CSMD1: variants seen among roughly 807,000 people sequenced by gnomAD.
CSMD1 encodes CUB and Sushi multiple domains 1, also known as CUB and sushi domain-containing protein 1.
CSMD1 carries 213 observed loss-of-function variants against 417.5 expected under a neutral mutation model. That is an observed-to-expected ratio of 0.51 (90% CI 0.46 to 0.57). CSMD1 has a LOEUF of 0.57. Ranked by LOEUF, CSMD1 falls within the 20% of genes least tolerant of loss-of-function variation. CSMD1 has a pLI of 0.00. For synonymous variants in CSMD1, 2,862 were observed against 1,736.8 expected, an observed-to-expected ratio of 1.65 and a Z score of -16.11; for missense variants, 6,923 against 4,529.7, an observed-to-expected ratio of 1.53 and a Z score of -15.17.
intron 3 of CSMD1, among the ~76,000 whole-genome samples, chr8:4,088,499 C>T (rs1243543008): frequency 6.6e-6 from 1 of 152,186 alleles, no homozygotes; most frequent in Non-Finnish European, 1.5e-5. Flanking sequence ...CCATCTTCTT[C>T]TTTGTTTTCA....
chr8:4,958,708 A>G (rs1809283038), intron 1 of CSMD1, among the ~76,000 whole-genome samples: 1 of 152,210 alleles, frequency 6.6e-6, no homozygotes, highest in Non-Finnish European at 1.5e-5. Context: ...AATTAGATTT[A>G]GTGACTCAAT....
chr8:4,470,380 C>CT (rs1800456746), intron 2 of CSMD1, among the ~76,000 whole-genome samples: 1 of 152,194 alleles, frequency 6.6e-6, no homozygotes, highest in Non-Finnish European at 1.5e-5. Flanking sequence ...TCTCTTCCCT[C>CT]TTATTTTTAT....
At chr8:4,143,956 G>C (rs1030280174) in intron 3 of CSMD1, among the ~76,000 whole-genome samples, 1 of 151,286 alleles carries the variant, frequency 6.6e-6, no homozygotes, top group Non-Finnish European at 1.5e-5. Flanking sequence ...GCCAGTGCTT[G>C]GCCCATAGCC....
At chr8:3,062,190 A>C (rs1357381999) in intron 49 of CSMD1, among the ~76,000 whole-genome samples, 1 of 152,122 alleles carries the variant, frequency 6.6e-6, no homozygotes, top group African/African-American at 2.4e-5. Context: ...TTTGATTTCC[A>C]AAATATTTTC....
intron 5 of CSMD1, among the ~76,000 whole-genome samples, chr8:3,967,477 G>T (rs1006590945): frequency 6.6e-6 from 1 of 150,742 alleles, no homozygotes; most frequent in African/African-American, 2.4e-5. Context: ...AAAACAGATG[G>T]AAAGTTGTTG....
intron 1 of CSMD1, among the ~76,000 whole-genome samples, chr8:4,718,772 T>G (rs1403032674): frequency 6.6e-6 from 1 of 152,032 alleles, no homozygotes; most frequent in Admixed American, 6.6e-5. Flanking sequence ...ATACTCTTTT[T>G]AAAGCAATAG....
intron 2 of CSMD1, among the ~76,000 whole-genome samples, chr8:4,483,097 G>C (rs533098069): frequency 2.0e-5 from 3 of 152,062 alleles, no homozygotes; most frequent in South Asian, 4.1e-4. Flanking sequence ...TGAATGACAG[G>C]GGCAGTCTCC....
At chr8:4,059,992 A>G (rs1798888066) in intron 3 of CSMD1, among the ~76,000 whole-genome samples, 1 of 152,172 alleles carries the variant, frequency 6.6e-6, no homozygotes, top group Non-Finnish European at 1.5e-5. Flanking sequence ...CACAGCCAAA[A>G]AAGAGAATTT....
intron 5 of CSMD1, among the ~76,000 whole-genome samples, chr8:3,949,618 T>C (rs73509611): frequency 0.023 from 3,504 of 151,956 alleles, 142 homozygotes; most frequent in African/African-American, 0.08. Flanking sequence ...GGTGGTTTGT[T>C]TGGGAGATGA....
At chr8:3,502,293 A>C (rs965667657) in intron 10 of CSMD1, among the ~76,000 whole-genome samples, 9 of 148,362 alleles carry the variant, frequency 6.1e-5, no homozygotes, top group Non-Finnish European at 1.2e-4. Flanking sequence ...CGAACCCAGG[A>C]GGAGGAGCTT....
chr8:3,354,805 C>CTA (rs1808634183), intron 21 of CSMD1, among the ~76,000 whole-genome samples: 1 of 86,056 alleles, frequency 1.2e-5, no homozygotes, highest in Non-Finnish European at 2.4e-5. Flanking sequence ...TAAACTCTCT[C>CTA]TCTCTCTATA....
intron 2 of CSMD1, among the ~76,000 whole-genome samples, chr8:4,553,913 T>C (rs1797980926): frequency 6.6e-6 from 1 of 152,156 alleles, no homozygotes; most frequent in Admixed American, 6.6e-5. Flanking sequence ...ATCTGATGAC[T>C]GGTTCAGCTG....
rs1339537546 is a variant in CSMD1 at position 3,157,958 on chromosome 8, G to T, written c.5853C>A (p.Ser1951=). The change falls in exon 39 of 70, where the codon TCC becomes TCA. Residue 1951 remains serine (S), a synonymous_variant. Transcript: ENST00000635120. ...CGGTCCCTGGCATACAGGAAATGTG[G>T]GAACGGCCCTGTTTAAAAGAAAACA... ...CEPGYTLQGR[S]HISCMPGTVR... 6.4e-7 allele frequency: 1 copy of T among 1,553,696 alleles called. No individual in the cohort carries two copies. Among genetic ancestry groups the T allele is most frequent in the Admixed American group, 1.9e-5 (1 of 51,284 alleles).
At chr8:3,806,696 T>C (rs983802525) in intron 5 of CSMD1, among the ~76,000 whole-genome samples, 3 of 152,122 alleles carry the variant, frequency 2.0e-5, no homozygotes, top group Non-Finnish European at 1.5e-5. Flanking sequence ...TTCAAAACAA[T>C]CTAATGAGAG....
intron 2 of CSMD1, among the ~76,000 whole-genome samples, chr8:4,422,460 G>A (rs536091457): frequency 1.4e-4 from 21 of 152,022 alleles, no homozygotes; most frequent in Admixed American, 3.3e-4. Context: ...GTAAGCATAC[G>A]GTAAAAATAA....
chr8:4,664,251 G>T (rs979733302), intron 1 of CSMD1, among the ~76,000 whole-genome samples: 6 of 152,162 alleles, frequency 3.9e-5, no homozygotes, highest in African/African-American at 7.2e-5. Context: ...TATTATTTCT[G>T]TGTGACTAGT....
At chr8:4,719,914 T>C (rs1021001073) in intron 1 of CSMD1, among the ~76,000 whole-genome samples, 3 of 152,156 alleles carry the variant, frequency 2.0e-5, no homozygotes, top group African/African-American at 7.2e-5. Context: ...TCACTTTTTA[T>C]TGATTTTAAC....
At chr8:4,932,151 T>C (rs1256913949) in intron 1 of CSMD1, among the ~76,000 whole-genome samples, 1 of 152,236 alleles carries the variant, frequency 6.6e-6, no homozygotes, top group South Asian at 2.1e-4. Context: ...TCTAGATAAA[T>C]TGATTACAGC....
intron 41 of CSMD1, among the ~76,000 whole-genome samples, chr8:3,130,439 CT>C (rs1817734969): frequency 6.6e-6 from 1 of 152,140 alleles, no homozygotes; most frequent in South Asian, 2.1e-4. Flanking sequence ...TCTTCCCTCG[CT>C]TCCCCCAACC....
Sources: allele counts gnomAD v4.1 joint callset (sites outside exome capture counted in the v4.1 genomes callset), GRCh38; gene constraint gnomAD v4.1.1; transcripts MANE v1.5; gene names NCBI Gene and HGNC (gene_info 2026-07-23, HGNC 2026-07-21).